The following KHDRBS2 variants were observed in gnomAD, a reference collection of about 807,000 sequenced individuals.
KHDRBS2 encodes KH RNA binding domain containing, signal transduction associated 2.
KHDRBS2 carries 26 observed loss-of-function variants against 44.3 expected under a neutral mutation model. The observed-to-expected ratio is 0.59, with a 90% CI of 0.43 to 0.81. KHDRBS2 has a LOEUF of 0.81. KHDRBS2 is among the 40% of genes least tolerant of loss of function. The pLI is 0.00. For missense variants in KHDRBS2, 476 were observed against 433.1 expected (o/e 1.10, Z -0.88); for synonymous variants, 194 against 151.1 (o/e 1.28, Z -2.08).
chr6:61,954,652 ATACATACATAT>A (rs1765764870), intron 4 of KHDRBS2, among the ~76,000 whole-genome samples: 1 of 131,710 alleles, frequency 7.6e-6, no homozygotes, highest in African/African-American at 2.9e-5. Flanking sequence ...ATACTTATGT[ATACATACATAT>A]GTGTATATAC....
chr6:62,063,431 A>T (rs1792594150), intron 2 of KHDRBS2, among the ~76,000 whole-genome samples: 1 of 151,406 alleles, frequency 6.6e-6, no homozygotes, highest in South Asian at 2.1e-4. Flanking sequence ...CTTACCCACC[A>T]TGATCAAGTG....
the KHDRBS2 span, chr6:61,630,648 A>G: frequency 1.3e-5 from 2 of 152,286 alleles, no homozygotes; most frequent in Non-Finnish European, 2.9e-5. Context: ...AGTGTAGAAT[A>G]GCTACCAAAA....
chr6:62,282,916 G>C (rs529812872), intron 1 of KHDRBS2, among the ~76,000 whole-genome samples: 3 of 152,102 alleles, frequency 2.0e-5, no homozygotes, highest in African/African-American at 7.2e-5. Context: ...AGCTTACCCA[G>C]ATTCAGTTGA....
chr6:61,967,990 T>G (rs1322938263), intron 4 of KHDRBS2, among the ~76,000 whole-genome samples: 1 of 145,086 alleles, frequency 6.9e-6, no homozygotes, highest in Non-Finnish European at 1.5e-5. Flanking sequence ...ACACACATAC[T>G]GAAAATATAC....
intron 2 of KHDRBS2, among the ~76,000 whole-genome samples, chr6:62,172,746 G>A (rs2150120438): frequency 7.2e-6 from 1 of 138,838 alleles, no homozygotes; most frequent in East Asian, 2.1e-4. Flanking sequence ...GCATGCTCTT[G>A]GACCACAGCA....
At chr6:62,162,371 A>AT (rs1159445318) in intron 2 of KHDRBS2, among the ~76,000 whole-genome samples, 1 of 151,986 alleles carries the variant, frequency 6.6e-6, no homozygotes, top group Non-Finnish European at 1.5e-5. Context: ...GATTGACAGT[A>AT]TTTTCATTTT....
At chr6:61,557,592 C>CT in the KHDRBS2 span, among the ~76,000 whole-genome samples, 2 of 151,990 alleles carry the variant, frequency 1.3e-5, no homozygotes, top group Non-Finnish European at 1.5e-5. Flanking sequence ...CTGTAGTTTT[C>CT]TTTTTTTGAT....
At chr6:61,572,276 TA>T in the KHDRBS2 span, among the ~76,000 whole-genome samples, 2 of 151,356 alleles carry the variant, frequency 1.3e-5, no homozygotes, top group Non-Finnish European at 1.5e-5. Flanking sequence ...AAGGAAGAAA[TA>T]AAAAAATCTG....
At chr6:62,242,526 CT>C (rs1482592395) in intron 1 of KHDRBS2, among the ~76,000 whole-genome samples, 1 of 152,048 alleles carries the variant, frequency 6.6e-6, no homozygotes, top group South Asian at 2.1e-4. Flanking sequence ...CAAATGCCCC[CT>C]GGGAGTAATA....
intron 2 of KHDRBS2, among the ~76,000 whole-genome samples, chr6:62,105,806 T>G (rs949822615): frequency 6.6e-6 from 1 of 152,206 alleles, no homozygotes; most frequent in Non-Finnish European, 1.5e-5. Context: ...TAGTTATTTT[T>G]TGCCTTCTGC....
At chr6:61,551,897 A>T in the KHDRBS2 span, among the ~76,000 whole-genome samples, 2 of 151,952 alleles carry the variant, frequency 1.3e-5, no homozygotes, top group Admixed American at 1.3e-4. Flanking sequence ...CTAATTCTAT[A>T]AAGAATGTCA....
At chr6:61,633,916 A>G in the KHDRBS2 span, among the ~76,000 whole-genome samples, 1 of 152,078 alleles carries the variant, frequency 6.6e-6, no homozygotes, top group Non-Finnish European at 1.5e-5. Context: ...TAAGTTTTAT[A>G]AAGTACCAAA....
At chr6:62,252,358 G>T (rs1371049103) in intron 1 of KHDRBS2, among the ~76,000 whole-genome samples, 1 of 151,814 alleles carries the variant, frequency 6.6e-6, no homozygotes, top group African/African-American at 2.4e-5. Context: ...TTACCTATTT[G>T]AATAACACCT....
the KHDRBS2 span, among the ~76,000 whole-genome samples, chr6:61,617,645 T>A: frequency 2.6e-4 from 40 of 152,202 alleles, no homozygotes; most frequent in South Asian, 1.2e-3. Flanking sequence ...TGATTTTTTT[T>A]ATCTATTTTG....
chr6:61,752,671 CAAAAA>C (rs56410130), intron 6 of KHDRBS2, among the ~76,000 whole-genome samples: 24 of 111,316 alleles, frequency 2.2e-4, no homozygotes, highest in African/African-American at 4.9e-4. Flanking sequence ...TTGTGGTATA[CAAAAA>C]AAAAAAAAAA....
chr6:61,900,644 T>C (rs1803805453), intron 5 of KHDRBS2, among the ~76,000 whole-genome samples: 1 of 152,172 alleles, frequency 6.6e-6, no homozygotes, highest in Admixed American at 6.5e-5. Context: ...CCCTCTGAAC[T>C]TTAAATATCC....
At chr6:62,017,290 G>C (rs1667804408) in intron 3 of KHDRBS2, among the ~76,000 whole-genome samples, 1 of 152,064 alleles carries the variant, frequency 6.6e-6, no homozygotes, top group African/African-American at 2.4e-5. Flanking sequence ...TGACATGATG[G>C]AATATTTAGA....
chr6:61,614,742 A>G, the KHDRBS2 span, among the ~76,000 whole-genome samples: 1 of 152,218 alleles, frequency 6.6e-6, no homozygotes, highest in East Asian at 1.9e-4. Flanking sequence ...TTATTTAAAA[A>G]TTGTGAACTG....
chr6:61,585,218 A>T, the KHDRBS2 span, among the ~76,000 whole-genome samples: 3 of 151,974 alleles, frequency 2.0e-5, no homozygotes, highest in Non-Finnish European at 2.9e-5. Flanking sequence ...ATAAAAAAAA[A>T]TGTTCAGTAA....
Sources: gnomAD v4.1 joint callset for allele counts (sites outside exome capture counted in the v4.1 genomes callset) on GRCh38, gnomAD v4.1.1 for gene constraint, MANE v1.5 for transcripts, NCBI Gene and HGNC (gene_info 2026-07-23, HGNC 2026-07-21) for gene names.